The following ANGPT4 variants were observed in gnomAD, a reference collection of about 807,000 sequenced individuals.
The protein encoded by ANGPT4 is angiopoietin 4.
ANGPT4 carries 50 observed loss-of-function variants against 53.0 expected under a neutral mutation model. The ratio of observed to expected loss-of-function variants is 0.94; its 90% CI spans 0.75 to 1.20. The LOEUF is 1.20. Ranked by LOEUF, ANGPT4 falls within the 50% of genes most tolerant of loss-of-function variation. ANGPT4 has a pLI of 0.00. For missense variants in ANGPT4, 648 were observed against 637.1 expected, an observed-to-expected ratio of 1.02 and a Z score of -0.18; for synonymous variants, 251 against 259.7, an observed-to-expected ratio of 0.97 and a Z score of 0.32.
rs77130209 is a variant in ANGPT4 at position 871,418 on chromosome 20, C to T, written c.*1542G>A. ...GGCGGTAGGGCAGGTGGGCTCCTGG[C>T]TATGCCTGGGTGTTGGCTGATGACA... On this transcript the variant is annotated 3_prime_UTR_variant, in exon 9 of 9. Transcript: ENST00000381922. The T allele has an allele frequency of 0.018, 2,758 of 152,608 alleles. 43 individuals are homozygous for T. Among genetic ancestry groups the T allele is most frequent in the East Asian group, 0.052 (271 of 5,182 alleles). 9.5% of individuals were successfully genotyped at this position (152,608 alleles called of 1,614,324 possible).
In ANGPT4 at chr20:890,818, T is replaced by C. The variant is rs1484547140; in HGVS notation, c.310-450A>G. 9.7e-4 allele frequency among the ~76,000 whole-genome samples: 147 copies of C among 152,186 alleles called. 1 individual carries two copies. The highest frequency in any genetic ancestry group is 1.5e-4 in the Non-Finnish European group (10 of 68,026). On this transcript the variant is annotated intron_variant, in intron 1 of 8. Coordinates refer to ENST00000381922, the MANE Select transcript of ANGPT4 (RefSeq NM_015985.4). ...CTTCAATCCCGATGCAATGGCTCCATGACATCCCTCTAACGAAGCAAGCAT... is the reference window on the plus strand; with the variant it reads ...CTTCAATCCCGATGCAATGGCTCCACGACATCCCTCTAACGAAGCAAGCAT...
rs1227061547 is a variant in ANGPT4, at chr20:878,210, A to G, written c.1171T>C (p.Tyr391His). The G allele has an allele frequency of 5.0e-6, 8 of 1,611,922 alleles. No homozygotes were observed. Among genetic ancestry groups the G allele is most frequent in the Non-Finnish European group, 6.8e-6 (8 of 1,178,266 alleles). The change falls in exon 7 of 9, where the codon TAT (tyrosine) becomes CAT (histidine). Residue 391 changes from tyrosine to histidine, a missense_variant. Coordinates refer to ENST00000381922, the MANE Select transcript of ANGPT4 (RefSeq NM_015985.4). The part of the protein sequence containing the change: ...ELQDWEGHEA[Y>H]AQYEHFHLGS... ...AGGTGGAAATGTTCGTACTGGGCAT[A>G]GGCCTCGTGGCCTTCCCAGTCTTGC... is the stretch of plus-strand genomic sequence containing the variant.
rs565840771 is a variant in ANGPT4, at chr20:877,437, CA to C, written c.1220+723del. ...TTTTGACAGCAGGGAGATCTGAGTT[CA>C]AATTCCAGCTCATTTAACTTGTAAC... On this transcript the variant is annotated intron_variant, in intron 7 of 8. Coordinates refer to ENST00000381922, the MANE Select transcript of ANGPT4 (RefSeq NM_015985.4). Among the ~76,000 whole-genome samples, 48 of 152,286 alleles carry C rather than the reference CA, an allele frequency of 3.2e-4. No homozygotes were observed. In the East Asian group the frequency reaches 8.3e-3, roughly 26 times the overall value.
intron 1 of ANGPT4, among the ~76,000 whole-genome samples, chr20:892,922 G>T (rs1026148395): frequency 7.9e-5 from 12 of 152,164 alleles, no homozygotes; most frequent in Non-Finnish European, 4.4e-5. Context: ...CATCTCAGGA[G>T]CAATCACCTG....
intron 5 of ANGPT4, among the ~76,000 whole-genome samples, chr20:880,661 C>T (rs1981366406): frequency 6.6e-6 from 1 of 152,182 alleles, no homozygotes; most frequent in Non-Finnish European, 1.5e-5. Context: ...CAGACCCTCC[C>T]TCCTGACATC....
At chr20:897,830 A>G (rs1030125293) in intron 1 of ANGPT4, among the ~76,000 whole-genome samples, 1 of 152,116 alleles carries the variant, frequency 6.6e-6, no homozygotes, top group Non-Finnish European at 1.5e-5. Context: ...AAGAACTTAA[A>G]ACCTCTTCAA....
chr20:878,443 T>TGATCGAG, intron 6 of ANGPT4, 116 bp from the exon 7 acceptor site: 1 of 1,045,958 alleles, frequency 9.6e-7, no homozygotes. Context: ...CTGTGCTTAA[T>TGATCGAG]GATCGAGTTC....
chr20:873,498 A>G (rs1981034580), intron 8 of ANGPT4, among the ~76,000 whole-genome samples: 1 of 145,612 alleles, frequency 6.9e-6, no homozygotes, highest in South Asian at 2.2e-4. Flanking sequence ...TGAGTCTCTC[A>G]CTCTCCAGGT....
intron 6 of ANGPT4, among the ~76,000 whole-genome samples, chr20:878,881 TGA>T (rs1371010494): frequency 6.6e-6 from 1 of 152,186 alleles, no homozygotes; most frequent in Non-Finnish European, 1.5e-5. Flanking sequence ...AATGTAAAAC[TGA>T]GAGTGTGGGG....
chr20:897,199 G>T (rs922475993), intron 1 of ANGPT4, among the ~76,000 whole-genome samples: 1 of 152,128 alleles, frequency 6.6e-6, no homozygotes, highest in Non-Finnish European at 1.5e-5. Context: ...CTCACACAAA[G>T]CCTGTTTGGT....
In ANGPT4 at chr20:879,797, G is replaced by C; in HGVS notation, c.1003C>G (p.Arg335Gly). Residue 335 changes from arginine (R) to glycine (G), a missense_variant, in exon 6 of 9, where the codon CGT becomes GGT. Coordinates refer to ENST00000381922, the MANE Select transcript of ANGPT4 (RefSeq NM_015985.4). ...TGAAAATTCACGGTGCCATTCTCAC[G>C]GCGCTGGATGAGGGTCCACCTGCCT... ...SGGRWTLIQRRENGTVNFQRN... is the reference protein window; with the variant it reads ...SGGRWTLIQRGENGTVNFQRN... 1 of 1,613,736 alleles carries C rather than the reference G, an allele frequency of 6.2e-7. No individual in the cohort carries two copies. The highest frequency in any genetic ancestry group is 8.5e-7 in the Non-Finnish European group (1 of 1,179,822).
At chr20:901,050 G>A (rs1982266064) in intron 1 of ANGPT4, among the ~76,000 whole-genome samples, 1 of 151,990 alleles carries the variant, frequency 6.6e-6, no homozygotes. Context: ...TCCCACTCTA[G>A]GTTCCGACAT....
At chr20:892,453 A>T (rs1014589985) in intron 1 of ANGPT4, among the ~76,000 whole-genome samples, 3 of 152,022 alleles carry the variant, frequency 2.0e-5, no homozygotes, top group Admixed American at 2.0e-4. Flanking sequence ...AAAATTAGCC[A>T]GCCATGGTGG....
At chr20:900,671 C>T (rs180692085) in intron 1 of ANGPT4, among the ~76,000 whole-genome samples, 226 of 152,262 alleles carry the variant, frequency 1.5e-3, no homozygotes, top group African/African-American at 5.0e-3. Context: ...GACTTACTCA[C>T]TGCTGAAAAA....
At chr20:913,143 G>A (rs1274348266) in intron 1 of ANGPT4, among the ~76,000 whole-genome samples, 1 of 152,152 alleles carries the variant, frequency 6.6e-6, no homozygotes, top group Admixed American at 6.5e-5. Context: ...TGATGGTGAT[G>A]ATGATGCTGA....
chr20:898,046 C>T (rs926132635), intron 1 of ANGPT4, among the ~76,000 whole-genome samples: 2 of 152,134 alleles, frequency 1.3e-5, no homozygotes, highest in East Asian at 3.8e-4. Context: ...ATTGGTCCCT[C>T]CCTAGTCTCT....
chr20:908,472 C>T lies in ANGPT4; in HGVS notation c.309+7434G>A, dbSNP rs778113643. Reference sequence around the variant, plus strand: ...GCTCTGTCCTTCTTCCTAGTGCCTCCCTCCCTCAAGGTCAGGCACCCATTA... The same window carrying T: ...GCTCTGTCCTTCTTCCTAGTGCCTCTCTCCCTCAAGGTCAGGCACCCATTA... On this transcript the variant is annotated intron_variant, in intron 1 of 8. Transcript: ENST00000381922. This position sits in a 1 kb window ranked among gnomAD's most constrained non-coding sequence, Gnocchi z 4.9. 5.3e-5 allele frequency among the ~76,000 whole-genome samples: 8 copies of T among 152,166 alleles called. No individual in the cohort carries two copies. The highest frequency in any genetic ancestry group is 1.2e-4 in the Non-Finnish European group (8 of 68,024).
rs1023743137 is a variant in ANGPT4 at position 871,084 on chromosome 20, A to T, written c.*1876T>A. ...CCCACCACACCACACTGCACACAGT[A>T]GAGGCTAAATAAAGGTCTGCTGGGC... On this transcript the variant is annotated 3_prime_UTR_variant, in exon 9 of 9. Coordinates refer to ENST00000381922, the MANE Select transcript of ANGPT4 (RefSeq NM_015985.4). 3 of 152,272 alleles carry T rather than the reference A, an allele frequency of 2.0e-5. No individual in the cohort carries two copies. The highest frequency in any genetic ancestry group is 2.0e-4 in the Admixed American group (3 of 15,286). The allele number at this position is 152,272 out of a possible 1,614,324, so 9.4% of individuals were successfully genotyped here.
intron 1 of ANGPT4, among the ~76,000 whole-genome samples, chr20:905,474 A>T (rs1418676530): frequency 2.0e-5 from 3 of 152,164 alleles, no homozygotes; most frequent in Non-Finnish European, 4.4e-5. Flanking sequence ...AGGCCCAGCC[A>T]CTGCTGGAGC....
Sources: gnomAD v4.1 joint callset for allele counts (sites outside exome capture counted in the v4.1 genomes callset) on GRCh38, gnomAD v4.1.1 for gene constraint, Gnocchi (gnomAD v3.1) non-coding constraint, MANE v1.5 for transcripts, NCBI Gene and HGNC (gene_info 2026-07-23, HGNC 2026-07-21) for gene names.